Variants in TMEM272 observed in about 807,000 individuals in gnomAD.
TMEM272 encodes the protein long intergenic non-protein coding RNA 282.
A neutral mutation model predicts 3.7 loss-of-function variants in TMEM272; 8 were observed. That is an observed-to-expected ratio of 2.17 (90% CI 1.27 to 3.91). The LOEUF (loss-of-function observed/expected upper bound fraction) is 3.91. Ranked by LOEUF, TMEM272 falls within the 30% of genes most tolerant of loss-of-function variation. The pLI is 0.00. For synonymous variants in TMEM272, 63 were observed against 39.8 expected (o/e 1.58, Z -2.20); for missense variants, 166 against 91.5 (o/e 1.81, Z -3.32).
At chr13:51,826,760 GGTC>G in intron 2 of TMEM272, 135 bp from the exon 3 acceptor site, 2 of 647,656 alleles carry the variant, frequency 3.1e-6, no homozygotes, top group South Asian at 3.4e-5. Flanking sequence ...AGGAGGAGAA[GGTC>G]GCAGCTCGCC....
the TMEM272 span, among the ~76,000 whole-genome samples, chr13:51,883,102 G>T: frequency 6.6e-6 from 1 of 152,246 alleles, no homozygotes; most frequent in Non-Finnish European, 1.5e-5. Flanking sequence ...GAGCCCCAAG[G>T]GGTGTTACAG....
the TMEM272 span, among the ~76,000 whole-genome samples, chr13:51,902,064 G>C: frequency 6.6e-6 from 1 of 152,220 alleles, no homozygotes; most frequent in Non-Finnish European, 1.5e-5. Flanking sequence ...AGAATCACTT[G>C]GGATGTGGTA....
Position 51,815,736 on chromosome 13 carries a change from C to T in TMEM272, c.*1015G>A, listed in dbSNP as rs1432526414. ...TCCCCAGCGAGCACTGACAACAGACCTGGACTTCATCTCTCAACAGCGGCA... is the reference window on the plus strand; with the variant it reads ...TCCCCAGCGAGCACTGACAACAGACTTGGACTTCATCTCTCAACAGCGGCA... On this transcript the variant is annotated 3_prime_UTR_variant, in exon 5 of 5. Transcript: ENST00000629372. 1.3e-5 allele frequency: 2 copies of T among 152,252 alleles called. No individual in the cohort carries two copies. The highest frequency in any genetic ancestry group is 4.8e-5 in the African/African-American group (2 of 41,454). 9.4% of individuals were successfully genotyped at this position (152,252 alleles called of 1,614,324 possible). A position where few individuals can be genotyped will look rare whatever the true frequency, so the allele number is the denominator to read the frequency against.
At chr13:51,920,285 A>G in the TMEM272 span, among the ~76,000 whole-genome samples, 1 of 152,208 alleles carries the variant, frequency 6.6e-6, no homozygotes, top group Non-Finnish European at 1.5e-5. Context: ...CATGGTCTCA[A>G]GCCAGCTAAG....
the TMEM272 span, among the ~76,000 whole-genome samples, chr13:51,887,100 C>T: frequency 4.6e-5 from 7 of 152,248 alleles, no homozygotes; most frequent in South Asian, 8.3e-4. Context: ...TCTTTTGAGC[C>T]GCTACTAAGT....
chr13:51,915,292 C>G, the TMEM272 span, among the ~76,000 whole-genome samples: 47 of 152,252 alleles, frequency 3.1e-4, no homozygotes, highest in Non-Finnish European at 5.6e-4. Flanking sequence ...TGCCACTTCA[C>G]GCATAGACAT....
At chr13:51,857,686 T>G in the TMEM272 span, among the ~76,000 whole-genome samples, 1 of 151,406 alleles carries the variant, frequency 6.6e-6, no homozygotes, top group Admixed American at 6.6e-5. Context: ...ATTTAATTAA[T>G]CCAAAAGAAA....
chr13:51,859,083 A>G, the TMEM272 span, among the ~76,000 whole-genome samples: 2 of 152,088 alleles, frequency 1.3e-5, no homozygotes, highest in African/African-American at 4.8e-5. Flanking sequence ...CCTGTTTGGC[A>G]GTTCACTGAA....
chr13:51,910,057 C>CAGTTTGT, the TMEM272 span: 1 of 1,308,120 alleles, frequency 7.6e-7, no homozygotes, highest in Non-Finnish European at 1.1e-6. Flanking sequence ...ATTTTGGCTT[C>CAGTTTGT]AGTTAGTAGT....
intron 4 of TMEM272, among the ~76,000 whole-genome samples, chr13:51,819,792 C>T (rs185956088): frequency 5.4e-4 from 82 of 152,222 alleles, no homozygotes; most frequent in Non-Finnish European, 4.0e-4. Flanking sequence ...GCAATTGCCA[C>T]TAGGAAGGGT....
chr13:51,821,496 T>G (rs1249866136), intron 4 of TMEM272, among the ~76,000 whole-genome samples: 1 of 152,138 alleles, frequency 6.6e-6, no homozygotes, highest in East Asian at 1.9e-4. Context: ...GAAGCACTCC[T>G]ACCTCAGGCA....
the TMEM272 span, among the ~76,000 whole-genome samples, chr13:51,893,039 A>G: frequency 6.6e-6 from 1 of 152,096 alleles, no homozygotes. Flanking sequence ...GACAAACATC[A>G]TACATCCATC....
the TMEM272 span, chr13:51,908,492 C>T: frequency 6.6e-7 from 1 of 1,521,314 alleles, no homozygotes; most frequent in Non-Finnish European, 9.1e-7. Flanking sequence ...GTCCTCTTCT[C>T]ATGAACGGGC....
At chr13:51,918,456 GA>G in the TMEM272 span, among the ~76,000 whole-genome samples, 1 of 152,088 alleles carries the variant, frequency 6.6e-6, no homozygotes, top group South Asian at 2.1e-4. Flanking sequence ...ATAAAAAAGA[GA>G]AAAAGAAAGA....
chr13:51,887,641 G>A, the TMEM272 span, among the ~76,000 whole-genome samples: 7 of 152,190 alleles, frequency 4.6e-5, no homozygotes, highest in Admixed American at 2.6e-4. Flanking sequence ...ATATCCTTAT[G>A]TGGCTCATTT....
At chr13:51,931,299 CA>C in the TMEM272 span, among the ~76,000 whole-genome samples, 63,912 of 118,806 alleles carry the variant, frequency 0.54, 14,386 homozygotes, top group Middle Eastern at 0.59. Flanking sequence ...GAGTTCGTCT[CA>C]AAAAAAAAAA....
At chr13:51,919,939 AAAGG>A in the TMEM272 span, among the ~76,000 whole-genome samples, 1 of 152,178 alleles carries the variant, frequency 6.6e-6, no homozygotes, top group Non-Finnish European at 1.5e-5. Context: ...ATGAAGGAGA[AAAGG>A]AAGGAAGGAA....
At chr13:51,897,217 A>G in the TMEM272 span, among the ~76,000 whole-genome samples, 2 of 152,032 alleles carry the variant, frequency 1.3e-5, no homozygotes, top group Non-Finnish European at 2.9e-5. Context: ...ATAGTAAGAC[A>G]TTGTCTTTTT....
At chr13:51,860,211 T>C in the TMEM272 span, among the ~76,000 whole-genome samples, 5 of 152,212 alleles carry the variant, frequency 3.3e-5, no homozygotes, top group African/African-American at 1.2e-4. Context: ...CTGAAACTGT[T>C]ATTCTCTGAG....
Sources: allele counts gnomAD v4.1 joint callset (sites outside exome capture counted in the v4.1 genomes callset), GRCh38; gene constraint gnomAD v4.1.1; transcripts MANE v1.5; gene names NCBI Gene and HGNC (gene_info 2026-07-23, HGNC 2026-07-21).